The following WWP2 variants were observed in gnomAD, a reference collection of about 807,000 sequenced individuals.
The protein encoded by WWP2 is NEDD4-like E3 ubiquitin-protein ligase WWP2.
WWP2 carries 57 observed loss-of-function variants against 121.0 expected under a neutral mutation model. That is an observed-to-expected ratio of 0.47 (90% CI 0.38 to 0.59). The LOEUF (loss-of-function observed/expected upper bound fraction) is 0.59, where lower values mean the gene tolerates loss of function less well. Among genes scored for constraint, WWP2 ranks in the 20% least tolerant of loss-of-function variants. WWP2 has a pLI of 0.00. For missense variants in WWP2, 962 were observed against 1,158.9 expected (o/e 0.83, Z 2.47); for synonymous variants, 449 against 441.3 (o/e 1.02, Z -0.22).
rs376471201 is a variant in WWP2, at chr16:69,848,755, T to A, written c.575+6635T>A. 1.6e-4 allele frequency among the ~76,000 whole-genome samples: 25 copies of A among 151,826 alleles called. 1 individual carries two copies. Among genetic ancestry groups the A allele is most frequent in the African/African-American group, 5.8e-4 (24 of 41,438 alleles). ...GTTTAAGAATGCATGTGAACGCACATGAGAGAGTGTGTATGTGTGTGTTTG... is the reference window on the plus strand; with the variant it reads ...GTTTAAGAATGCATGTGAACGCACAAGAGAGAGTGTGTATGTGTGTGTTTG... On this transcript the variant is annotated intron_variant, in intron 6 of 23. Transcript: ENST00000359154.
At chr16:69,883,611 A>C (rs899582244) in intron 7 of WWP2, among the ~76,000 whole-genome samples, 1 of 152,132 alleles carries the variant, frequency 6.6e-6, no homozygotes, top group East Asian at 1.9e-4. Flanking sequence ...CAGGATGTGC[A>C]GGTTTGTTAC....
intron 6 of WWP2, among the ~76,000 whole-genome samples, chr16:69,845,214 G>C (rs933644639): frequency 1.3e-5 from 2 of 152,158 alleles, no homozygotes; most frequent in Admixed American, 1.3e-4. Context: ...ATGTCAGTCA[G>C]AGGGCCTTAC....
chr16:69,932,096 G>A (rs546663326), intron 16 of WWP2, among the ~76,000 whole-genome samples: 1 of 152,360 alleles, frequency 6.6e-6, no homozygotes, highest in African/African-American at 2.4e-5. Context: ...TTGGGAGGCT[G>A]AGGCAGGTGG....
At chr16:69,824,415 C>T (rs1319826941) in intron 4 of WWP2, among the ~76,000 whole-genome samples, 1 of 152,068 alleles carries the variant, frequency 6.6e-6, no homozygotes, top group Non-Finnish European at 1.5e-5. Context: ...GGGACTCTGA[C>T]TTCAGTGCCT....
intron 6 of WWP2, among the ~76,000 whole-genome samples, chr16:69,860,639 A>G (rs1401379242): frequency 6.6e-6 from 1 of 152,134 alleles, no homozygotes; most frequent in African/African-American, 2.4e-5. Context: ...AGGGATGTCC[A>G]TTGAACATAT....
chr16:69,825,270 C>A (rs1436640568), intron 4 of WWP2, among the ~76,000 whole-genome samples: 1 of 151,408 alleles, frequency 6.6e-6, no homozygotes, highest in African/African-American at 2.4e-5. Flanking sequence ...ACTAAAAATA[C>A]AAAATTAGCT....
At chr16:69,766,744 T>C (rs1054223611) in intron 1 of WWP2, among the ~76,000 whole-genome samples, 5 of 152,162 alleles carry the variant, frequency 3.3e-5, no homozygotes, top group African/African-American at 1.2e-4. Flanking sequence ...GAGAGGCTTT[T>C]CTAGGGATCC....
Position 69,937,497 on chromosome 16 carries a change from C to A in WWP2, c.2239-51C>A, listed in dbSNP as rs117860239. The A allele has an allele frequency of 2.9e-4, 465 of 1,586,330 alleles. 6 individuals carry two copies. In the East Asian group the frequency reaches 0.01, roughly 35 times the overall value. On this transcript the variant is annotated intron_variant, in intron 20 of 23. Transcript: ENST00000359154. This position sits in a 1 kb window ranked among gnomAD's most constrained non-coding sequence, Gnocchi z 6.6. ...GTAATGTCAAGTGCTAGCGAGTGGA[C>A]GATGCGCGGGGAGGGACCTGCCGGG...
At chr16:69,916,220 G>T (rs1367445139) in intron 9 of WWP2, among the ~76,000 whole-genome samples, 2 of 152,030 alleles carry the variant, frequency 1.3e-5, no homozygotes, top group African/African-American at 4.8e-5. Context: ...TTTGAGACAG[G>T]ATCTCACTCT....
intron 16 of WWP2, 47 bp from the exon 17 acceptor site, chr16:69,933,923 C>T (rs1567443766): frequency 1.3e-6 from 2 of 1,593,180 alleles, no homozygotes; most frequent in African/African-American, 1.3e-5. Context: ...TGCAGATGTG[C>T]ACGAAGGGAC....
Position 69,941,379 on chromosome 16 carries a change from C to A in WWP2, c.*1439C>A, listed in dbSNP as rs529566277. ...TCCATGCTCCCAGATTCTCGACCTT[C>A]CCCCGGCCCGGGAGGTGCAGCCTGC... On this transcript the variant is annotated 3_prime_UTR_variant, in exon 24 of 24. Transcript: ENST00000359154. The A allele has an allele frequency of 6.5e-6, 1 of 154,020 alleles. No homozygotes were observed. Among genetic ancestry groups the A allele is most frequent in the African/African-American group, 2.4e-5 (1 of 41,480 alleles). The allele number at this position is 154,020 out of a possible 1,614,324, so 9.5% of individuals were successfully genotyped here.
intron 8 of WWP2, among the ~76,000 whole-genome samples, chr16:69,902,757 G>T (rs933703984): frequency 1.3e-5 from 2 of 152,136 alleles, no homozygotes; most frequent in Non-Finnish European, 2.9e-5. Context: ...GGCATGGGGG[G>T]GACCAAACCA....
intron 11 of WWP2, 69 bp from the exon 12 acceptor site, chr16:69,929,379 A>G (rs963358701): frequency 3.5e-6 from 5 of 1,446,502 alleles, no homozygotes; most frequent in Non-Finnish European, 4.8e-6. Flanking sequence ...AGGAGGTGGG[A>G]ACCTCAGGGA....
At chr16:69,932,873 G>A (rs569352343) in intron 16 of WWP2, among the ~76,000 whole-genome samples, 28 of 152,312 alleles carry the variant, frequency 1.8e-4, no homozygotes, top group African/African-American at 4.8e-4. Context: ...GAGAGAGAGC[G>A]CTGTGGCCCG....
chr16:69,841,245 C>A (rs2056971736), intron 5 of WWP2, among the ~76,000 whole-genome samples: 1 of 152,180 alleles, frequency 6.6e-6, no homozygotes, highest in South Asian at 2.1e-4. Flanking sequence ...AATTACATAG[C>A]TGTGATTGTA....
At chr16:69,889,803 C>T (rs551780737) in intron 8 of WWP2, among the ~76,000 whole-genome samples, 6 of 152,090 alleles carry the variant, frequency 3.9e-5, no homozygotes, top group South Asian at 2.1e-4. Flanking sequence ...ATCTGGTTGA[C>T]GATGACTTGG....
intron 4 of WWP2, chr16:69,827,922 C>T (rs1243204368): frequency 2.2e-5 from 10 of 455,714 alleles, no homozygotes; most frequent in Non-Finnish European, 3.1e-5. Flanking sequence ...AAATATGCTA[C>T]GGCTTGAGAG....
intron 4 of WWP2, among the ~76,000 whole-genome samples, chr16:69,816,486 TA>T (rs1490573150): frequency 6.7e-6 from 1 of 148,396 alleles, no homozygotes; most frequent in African/African-American, 2.4e-5. Context: ...TTTATATATG[TA>T]ATATATAAAC....
intron 4 of WWP2, among the ~76,000 whole-genome samples, chr16:69,810,785 C>A (rs550581858): frequency 1.4e-5 from 2 of 148,130 alleles, no homozygotes. Flanking sequence ...GACGGAGTCT[C>A]GCTCTGTTGC....
Sources: gnomAD v4.1 joint callset for allele counts (sites outside exome capture counted in the v4.1 genomes callset) on GRCh38, gnomAD v4.1.1 for gene constraint, Gnocchi (gnomAD v3.1) non-coding constraint, MANE v1.5 for transcripts, NCBI Gene and HGNC (gene_info 2026-07-23, HGNC 2026-07-21) for gene names.